Variants in CSMD1 observed in about 807,000 individuals in gnomAD.
CSMD1 encodes CUB and sushi domain-containing protein 1.
CSMD1 carries 213 observed loss-of-function variants against 417.5 expected under a neutral mutation model. That is an observed-to-expected ratio of 0.51 (90% CI 0.46 to 0.57). The LOEUF (loss-of-function observed/expected upper bound fraction) is 0.57. Among genes scored for constraint, CSMD1 ranks in the 20% least tolerant of loss-of-function variants. The pLI is 0.00. For missense variants in CSMD1, 6,923 were observed against 4,529.7 expected (o/e 1.53, Z -15.17); for synonymous variants, 2,862 against 1,736.8 (o/e 1.65, Z -16.11).
intron 26 of CSMD1, among the ~76,000 whole-genome samples, chr8:3,245,017 T>G (rs967050395): frequency 6.6e-6 from 1 of 152,202 alleles, no homozygotes; most frequent in African/African-American, 2.4e-5. Context: ...CTGAATTTGG[T>G]GCTCAAAAGG....
intron 3 of CSMD1, among the ~76,000 whole-genome samples, chr8:4,179,914 A>G (rs185833520): frequency 6.6e-6 from 1 of 152,196 alleles, no homozygotes; most frequent in Non-Finnish European, 1.5e-5. Flanking sequence ...CGATCATTAA[A>G]AAGTCAGGAA....
intron 12 of CSMD1, among the ~76,000 whole-genome samples, chr8:3,451,842 A>G (rs1357868627): frequency 1.3e-5 from 2 of 152,252 alleles, no homozygotes; most frequent in African/African-American, 4.8e-5. Context: ...GTTTTTTCCA[A>G]TTACGTGAAG....
At chr8:4,824,634 C>G (rs1054971225) in intron 1 of CSMD1, among the ~76,000 whole-genome samples, 1 of 152,128 alleles carries the variant, frequency 6.6e-6, no homozygotes. Flanking sequence ...TGTGTGCGAA[C>G]ACACCCAACA....
intron 2 of CSMD1, among the ~76,000 whole-genome samples, chr8:4,546,693 A>G (rs1257292822): frequency 5.9e-5 from 9 of 152,200 alleles, no homozygotes; most frequent in Non-Finnish European, 1.5e-5. Context: ...ATAGCAGATC[A>G]TGAGACGTCT....
At chr8:3,813,837 C>T (rs1234537508) in intron 5 of CSMD1, among the ~76,000 whole-genome samples, 2 of 152,076 alleles carry the variant, frequency 1.3e-5, no homozygotes, top group Non-Finnish European at 2.9e-5. Context: ...TTGAAAGCTT[C>T]GAAGTTTATG....
intron 10 of CSMD1, among the ~76,000 whole-genome samples, chr8:3,496,676 A>G (rs1796378171): frequency 6.6e-6 from 1 of 152,070 alleles, no homozygotes; most frequent in Non-Finnish European, 1.5e-5. Flanking sequence ...AAATACAAAA[A>G]TTAGCCTGGC....
chr8:4,287,570 C>T (rs978148882), intron 3 of CSMD1, among the ~76,000 whole-genome samples: 1 of 152,064 alleles, frequency 6.6e-6, no homozygotes, highest in African/African-American at 2.4e-5. Context: ...GGACTAATGT[C>T]TGCAAGCTTT....
chr8:3,000,162 G>C (rs772218626), intron 52 of CSMD1, 31 bp from the exon 53 acceptor site: 16 of 1,488,960 alleles, frequency 1.1e-5, no homozygotes, highest in Non-Finnish European at 1.3e-5. Context: ...TTAAAATTTA[G>C]AGTGTCTGTC....
chr8:4,068,353 G>C (rs1269532578), intron 3 of CSMD1, among the ~76,000 whole-genome samples: 1 of 152,176 alleles, frequency 6.6e-6, no homozygotes, highest in African/African-American at 2.4e-5. Context: ...TCAAAGCAGA[G>C]AGGGGATCTT....
At position 4,578,332 on chromosome 8, in the gene CSMD1, A is replaced by ATTTTTCTTTTTTTTTTT. The variant is rs1799238990; in HGVS notation, c.302+59009_302+59010insAAAAAAAAAAAGAAAAA. 2.3e-4 allele frequency among the ~76,000 whole-genome samples: 11 copies of ATTTTTCTTTTTTTTTTT among 48,768 alleles called. 1 individual carries two copies. The highest frequency in any genetic ancestry group is 8.4e-4 in the African/African-American group (11 of 13,086). The allele number at this position is 48,768 out of a possible 152,430, so 32.0% of individuals were successfully genotyped here. A position where few individuals can be genotyped will look rare whatever the true frequency, so the allele number is the denominator to read the frequency against. Reference sequence around the variant, plus strand: ...AGGCACCTGCCACGACACCCGGCTCATTTTTTTTTTTTTTTTTTTTTTTTT... The same window carrying ATTTTTCTTTTTTTTTTT: ...AGGCACCTGCCACGACACCCGGCTCATTTTTCTTTTTTTTTTTTTTTTTTTTTTTTTTTTTTTTTTTT... On this transcript the variant is annotated intron_variant, in intron 2 of 69. Coordinates refer to ENST00000635120, the MANE Select transcript of CSMD1 (RefSeq NM_033225.6).
At chr8:4,507,781 A>C (rs1802604030) in intron 2 of CSMD1, among the ~76,000 whole-genome samples, 1 of 152,202 alleles carries the variant, frequency 6.6e-6, no homozygotes, top group Admixed American at 6.5e-5. Flanking sequence ...TAAGAGTTGT[A>C]ATGAAACAGA....
intron 2 of CSMD1, among the ~76,000 whole-genome samples, chr8:4,513,133 A>G (rs1802916327): frequency 6.6e-6 from 1 of 152,206 alleles, no homozygotes. Context: ...GTGCGCTCCA[A>G]TGTAAACTAT....
intron 7 of CSMD1, among the ~76,000 whole-genome samples, chr8:3,628,745 C>T (rs1414533966): frequency 6.6e-5 from 10 of 152,212 alleles, no homozygotes; most frequent in East Asian, 3.9e-4. Flanking sequence ...GAGAGCCATA[C>T]GGAAAAGTGA....
chr8:3,578,172 C>T (rs925456898), intron 9 of CSMD1, among the ~76,000 whole-genome samples: 1 of 152,188 alleles, frequency 6.6e-6, no homozygotes, highest in Non-Finnish European at 1.5e-5. Context: ...TATAATTTCT[C>T]ATGTCTACCA....
intron 10 of CSMD1, among the ~76,000 whole-genome samples, chr8:3,574,467 G>T (rs374169682): frequency 6.6e-6 from 1 of 152,076 alleles, no homozygotes; most frequent in African/African-American, 2.4e-5. Flanking sequence ...ACTGGTTTTA[G>T]AACTCCTGAC....
At chr8:3,260,406 TAG>T (rs1236796290) in intron 26 of CSMD1, among the ~76,000 whole-genome samples, 66 of 130,502 alleles carry the variant, frequency 5.1e-4, no homozygotes, top group Non-Finnish European at 8.8e-5. Context: ...GGAAAACACA[TAG>T]AAGGAGTATA....
chr8:3,955,787 A>G (rs1305312001), intron 5 of CSMD1, among the ~76,000 whole-genome samples: 1 of 152,244 alleles, frequency 6.6e-6, no homozygotes, highest in East Asian at 1.9e-4. Flanking sequence ...AATATCCCTT[A>G]GAAATCAATC....
At chr8:4,310,115 C>A (rs1192581970) in intron 3 of CSMD1, among the ~76,000 whole-genome samples, 1 of 152,144 alleles carries the variant, frequency 6.6e-6, no homozygotes, top group African/African-American at 2.4e-5. Flanking sequence ...ACTTATCTCC[C>A]ATTCATCCCT....
intron 3 of CSMD1, among the ~76,000 whole-genome samples, chr8:4,194,486 A>G (rs73658464): frequency 0.029 from 4,419 of 152,220 alleles, 251 homozygotes; most frequent in African/African-American, 0.1. Flanking sequence ...TTTTCTAATA[A>G]ATAGTGATTA....
Sources: allele counts gnomAD v4.1 joint callset (sites outside exome capture counted in the v4.1 genomes callset), GRCh38; gene constraint gnomAD v4.1.1; transcripts MANE v1.5; gene names NCBI Gene and HGNC (gene_info 2026-07-23, HGNC 2026-07-21).